PLCG2: variants seen among roughly 807,000 people sequenced by gnomAD.
The protein encoded by PLCG2 is phospholipase C gamma 2, also known as 1-phosphatidylinositol 4,5-bisphosphate phosphodiesterase gamma-2.
PLCG2 carries 69 observed loss-of-function variants against 175.6 expected under a neutral mutation model. The ratio of observed to expected loss-of-function variants is 0.39; its 90% CI spans 0.32 to 0.48. The LOEUF (loss-of-function observed/expected upper bound fraction) is 0.48, where lower values mean the gene tolerates loss of function less well. PLCG2 is among the 20% of genes least tolerant of loss of function. The pLI, the probability that PLCG2 is intolerant of heterozygous loss-of-function variation, is 0.91. For synonymous variants in PLCG2, 827 were observed against 624.0 expected, an observed-to-expected ratio of 1.33 and a Z score of -4.85; for missense variants, 1,798 against 1,650.9, an observed-to-expected ratio of 1.09 and a Z score of -1.54.
Position 81,908,512 on chromosome 16 carries a change from A to C in PLCG2, c.1654A>C (p.Met552Leu). The C allele has an allele frequency of 1.2e-6, 2 of 1,614,054 alleles. No homozygotes were observed. The highest frequency in any genetic ancestry group is 2.2e-5 in the South Asian group (2 of 91,082). Residue 552 changes from methionine (M) to leucine (L), a missense_variant, in exon 17 of 33, where the codon ATG becomes CTG. Transcript: ENST00000564138. Reference protein sequence around the residue: ...SAEKLLQEYCMETGGKDGTFL... With the variant: ...SAEKLLQEYCLETGGKDGTFL... ...CGAGAAGTTGCTGCAGGAATACTGC[A>C]TGGAGACGGGGGGCAAGGATGGCAC... is the stretch of plus-strand genomic sequence containing the variant.
intron 9 of PLCG2, among the ~76,000 whole-genome samples, chr16:81,888,448 A>G (rs1908476488): frequency 6.6e-6 from 1 of 152,212 alleles, no homozygotes; most frequent in African/African-American, 2.4e-5. Context: ...GCTGGTCTCA[A>G]ACTCCTGAGC....
chr16:81,774,933 T>C (rs564529983), upstream of PLCG2, among the ~76,000 whole-genome samples: 1 of 152,046 alleles, frequency 6.6e-6, no homozygotes, highest in South Asian at 2.1e-4. Context: ...TTTGTAGAGA[T>C]GGAGGTCTCA....
chr16:81,850,499 G>A (rs911409207), intron 2 of PLCG2, among the ~76,000 whole-genome samples: 1 of 152,168 alleles, frequency 6.6e-6, no homozygotes, highest in Non-Finnish European at 1.5e-5. Flanking sequence ...TTTACTGACC[G>A]TGCGTTCTTG....
chr16:81,951,476 G>T (rs1319747401), intron 31 of PLCG2, among the ~76,000 whole-genome samples: 1 of 149,000 alleles, frequency 6.7e-6, no homozygotes, highest in African/African-American at 2.4e-5. Flanking sequence ...GGATCTAGAT[G>T]GTTTTATAGC....
Position 81,893,803 on chromosome 16 carries a change from C to T in PLCG2, c.1072+9C>T. The T allele has an allele frequency of 6.3e-7, 1 of 1,588,960 alleles. No individual in the cohort carries two copies. The highest frequency in any genetic ancestry group is 8.6e-7 in the Non-Finnish European group (1 of 1,158,886). The stretch of plus-strand genomic sequence containing the variant: ...CTGTCGCTGCATTGAACGTGAGTAG[C>T]TCCTTCTTGGTGGAGGTCAGGCTCG... On this transcript the variant is annotated intron_variant, in intron 12 of 32. Transcript: ENST00000564138.
At position 81,962,517 on chromosome 16, in the gene PLCG2, G is replaced by A. The variant is rs1311542173; in HGVS notation, c.*4519G>A. ...CATTAGGCCTTAAGAAGCTGCATTT[G>A]TAAACTTGTGTTTCATTATTAAAGC... On this transcript the variant is annotated 3_prime_UTR_variant, in exon 33 of 33. Transcript: ENST00000564138. The A allele has an allele frequency of 1.4e-5, 3 of 215,218 alleles. No individual in the cohort carries two copies. Among genetic ancestry groups the A allele is most frequent in the Non-Finnish European group, 1.9e-5 (2 of 106,992 alleles). The allele number at this position is 215,218 out of a possible 1,614,324, so 13.3% of individuals were successfully genotyped here. A position where few individuals can be genotyped will look rare whatever the true frequency, so the allele number is the denominator to read the frequency against.
At chr16:81,821,882 T>TTTC (rs530478299) in intron 2 of PLCG2, among the ~76,000 whole-genome samples, 279 of 152,164 alleles carry the variant, frequency 1.8e-3, no homozygotes, top group African/African-American at 6.5e-3. Flanking sequence ...TTTTTTTTTT[T>TTTC]TTCCAGAGCA....
At chr16:81,746,833 T>C (rs1178570536) in intron 1 of PLCG2, among the ~76,000 whole-genome samples, 1 of 152,174 alleles carries the variant, frequency 6.6e-6, no homozygotes, top group African/African-American at 2.4e-5. Flanking sequence ...CAGTGGAGCC[T>C]ACAAAGCAAA....
chr16:81,837,684 G>GT (rs1218961131), intron 2 of PLCG2, among the ~76,000 whole-genome samples: 11,087 of 126,072 alleles, frequency 0.088, 513 homozygotes, highest in Middle Eastern at 0.12. Context: ...ACCAACATGT[G>GT]TTTTTTTTTT....
chr16:81,815,345 C>T (rs945618460), intron 2 of PLCG2, among the ~76,000 whole-genome samples: 3 of 152,202 alleles, frequency 2.0e-5, no homozygotes, highest in Non-Finnish European at 4.4e-5. Context: ...CCACACAACA[C>T]AGTGAGATCC....
At chr16:81,800,254 T>G (rs1002365381) in intron 2 of PLCG2, among the ~76,000 whole-genome samples, 2 of 152,218 alleles carry the variant, frequency 1.3e-5, no homozygotes, top group African/African-American at 4.8e-5. Context: ...GCAGAATGTG[T>G]GGGATACATA....
intron 2 of PLCG2, among the ~76,000 whole-genome samples, chr16:81,787,535 C>T (rs1387261932): frequency 7.1e-6 from 1 of 141,458 alleles, no homozygotes; most frequent in Non-Finnish European, 1.5e-5. Flanking sequence ...GCCTTGCACT[C>T]TTTTTTTTTT....
chr16:81,774,072 C>T (rs915616345), intron 2 of PLCG2, among the ~76,000 whole-genome samples: 3 of 148,300 alleles, frequency 2.0e-5, no homozygotes, highest in African/African-American at 7.4e-5. Flanking sequence ...TGACTTATGC[C>T]TGTAATCCTA....
At chr16:81,908,960 A>T (rs1303397384) in intron 17 of PLCG2, among the ~76,000 whole-genome samples, 1 of 152,182 alleles carries the variant, frequency 6.6e-6, no homozygotes, top group Non-Finnish European at 1.5e-5. Context: ...TGGATGATTC[A>T]GCCAACCTTC....
chr16:81,956,612 G>A (rs544606063), intron 31 of PLCG2, 83 bp from the exon 32 acceptor site: 5 of 1,271,064 alleles, frequency 3.9e-6, no homozygotes, highest in East Asian at 2.4e-5. Context: ...CTCCCTTTGG[G>A]CATGCTTGTG....
chr16:81,849,122 C>A (rs1906268762), intron 2 of PLCG2, among the ~76,000 whole-genome samples: 1 of 152,118 alleles, frequency 6.6e-6, no homozygotes, highest in African/African-American at 2.4e-5. Flanking sequence ...CATCACAGGG[C>A]TGTGGTTCTT....
chr16:81,860,212 AT>A (rs1331173665), intron 5 of PLCG2, among the ~76,000 whole-genome samples: 9 of 136,590 alleles, frequency 6.6e-5, no homozygotes, highest in Admixed American at 5.9e-4. Context: ...TTACCCAGAC[AT>A]TTTTTTTTAA....
chr16:81,838,935 C>G (rs1277004641), intron 2 of PLCG2, among the ~76,000 whole-genome samples: 1 of 152,014 alleles, frequency 6.6e-6, no homozygotes, highest in Non-Finnish European at 1.5e-5. Context: ...GGTGACACCA[C>G]TCTGACCCCA....
intron 2 of PLCG2, among the ~76,000 whole-genome samples, chr16:81,810,270 C>A (rs1305611936): frequency 1.3e-5 from 2 of 152,224 alleles, no homozygotes; most frequent in Non-Finnish European, 2.9e-5. Flanking sequence ...ACGGTGTGAG[C>A]CACCGTGCCC....
Sources: allele counts gnomAD v4.1 joint callset (sites outside exome capture counted in the v4.1 genomes callset), GRCh38; gene constraint gnomAD v4.1.1; transcripts MANE v1.5; gene names NCBI Gene and HGNC (gene_info 2026-07-23, HGNC 2026-07-21).